PABIR3: variants seen among roughly 807,000 people sequenced by gnomAD.
PABIR3 encodes PABIR family member 3, also known as PABIR family member 1.
In PABIR3, 20 loss-of-function variants were observed where a neutral mutation model predicts 23.1. The ratio of observed to expected loss-of-function variants is 0.86; its 90% CI spans 0.61 to 1.26. The LOEUF is 1.26. PABIR3 is among the 50% of genes most tolerant of loss of function. The pLI is 0.00. For synonymous variants in PABIR3, 69 were observed against 68.5 expected (o/e 1.01, Z -0.04); for missense variants, 189 against 195.4 (o/e 0.97, Z 0.20).
chrX:134,802,510 TC>T (rs1290006120), upstream of PABIR3, among the ~76,000 whole-genome samples: 1 of 111,880 alleles, frequency 8.9e-6, no homozygotes, highest in Non-Finnish European at 1.9e-5. Flanking sequence ...CCTGGTCCCA[TC>T]CCAGGAGAGA....
intron 4 of PABIR3, among the ~76,000 whole-genome samples, chrX:134,837,715 A>G (rs2082016533): frequency 8.9e-6 from 1 of 111,900 alleles, no homozygotes; most frequent in African/African-American, 3.2e-5. Context: ...AAGAGTCAAC[A>G]CTCTTCTCCT....
At chrX:134,806,119 G>A (rs1247459537), upstream of PABIR3, among the ~76,000 whole-genome samples, 2 of 111,636 alleles carry the variant, frequency 1.8e-5, no homozygotes, top group Non-Finnish European at 3.8e-5. Flanking sequence ...TTCTTAAAAC[G>A]ATATGAGCCA....
chrX:134,800,979 A>G (rs971380231), intron 1 of PABIR3, among the ~76,000 whole-genome samples: 5 of 112,166 alleles, frequency 4.5e-5, no homozygotes, highest in African/African-American at 1.6e-4. Context: ...TGGCAAAAGT[A>G]CCACAAGTAT....
At position 134,807,257 on chromosome X, in the gene PABIR3, C is replaced by T; in HGVS notation, c.-144C>T. 3 of 896,343 alleles carry T rather than the reference C, an allele frequency of 3.3e-6. No homozygotes were observed. In the South Asian group the frequency reaches 1.8e-4, roughly 53 times the overall value. 73.9% of individuals were successfully genotyped at this position (896,343 alleles called of 1,213,427 possible). On this transcript the variant is annotated 5_prime_UTR_variant, in exon 1 of 11. Transcript: ENST00000645433. The stretch of plus-strand genomic sequence containing the variant: ...TTTTTGTTTTGGCCGGAAAGGCTTA[C>T]CATGAGTTGCCAGGGCTGAGAGAGA...
At chrX:134,831,967 T>C (rs1010477507) in intron 4 of PABIR3, among the ~76,000 whole-genome samples, 2 of 111,268 alleles carry the variant, frequency 1.8e-5, no homozygotes, top group East Asian at 5.7e-4. Context: ...GTTTTAATTT[T>C]TACCTCCCAC....
the PABIR3 span, among the ~76,000 whole-genome samples, chrX:134,861,328 A>G: frequency 9.1e-6 from 1 of 110,331 alleles, no homozygotes; most frequent in Non-Finnish European, 1.9e-5. Flanking sequence ...AATGTAATTA[A>G]GGCTACTGAA....
chrX:134,843,570 T>A (rs1310184765), intron 4 of PABIR3, among the ~76,000 whole-genome samples: 2 of 88,733 alleles, frequency 2.3e-5, no homozygotes, highest in Non-Finnish European at 4.4e-5. Flanking sequence ...TTCTTTTTTT[T>A]TTTTTTTTTT....
At chrX:134,800,694 G>A (rs1051914772) in intron 1 of PABIR3, among the ~76,000 whole-genome samples, 2 of 111,136 alleles carry the variant, frequency 1.8e-5, no homozygotes, top group Non-Finnish European at 3.8e-5. Flanking sequence ...GGAGGCTGAG[G>A]CAGGAGAATC....
chrX:134,843,918 C>CTTTTT (rs1196514400), intron 4 of PABIR3, among the ~76,000 whole-genome samples: 23 of 66,026 alleles, frequency 3.5e-4, no homozygotes, highest in African/African-American at 8.1e-4. Context: ...TATGCATGTT[C>CTTTTT]TTTTTTTTTT....
At chrX:134,837,117 G>A (rs528260264) in intron 4 of PABIR3, among the ~76,000 whole-genome samples, 2 of 110,662 alleles carry the variant, frequency 1.8e-5, no homozygotes, top group South Asian at 3.9e-4. Context: ...AGGCCGAGGC[G>A]GGTGGATCAC....
At chrX:134,852,491 A>ATAT (rs2082671155) in intron 9 of PABIR3, among the ~76,000 whole-genome samples, 1 of 109,968 alleles carries the variant, frequency 9.1e-6, no homozygotes, top group Non-Finnish European at 1.9e-5. Context: ...AATAATAATA[A>ATAT]TAATAATATC....
intron 3 of PABIR3, among the ~76,000 whole-genome samples, chrX:134,828,777 G>A (rs2081631317): frequency 8.9e-6 from 1 of 112,066 alleles, no homozygotes; most frequent in Non-Finnish European, 1.9e-5. Flanking sequence ...GATATTTGAT[G>A]TAGTTATTCT....
intron 6 of PABIR3, among the ~76,000 whole-genome samples, chrX:134,846,832 G>A (rs1321996866): frequency 8.9e-6 from 1 of 111,832 alleles, no homozygotes. Flanking sequence ...TAAGAGAATC[G>A]TAAGTGTGTT....
chrX:134,833,504 T>C (rs992920664), intron 4 of PABIR3, among the ~76,000 whole-genome samples: 2 of 112,266 alleles, frequency 1.8e-5, no homozygotes, highest in African/African-American at 3.2e-5. Context: ...GACATTTAGT[T>C]GATATATATC....
At chrX:134,821,461 C>G in intron 3 of PABIR3, 1 of 1,154,464 alleles carries the variant, frequency 8.7e-7, no homozygotes, top group South Asian at 1.9e-5. Context: ...TCCTTTCTCT[C>G]CCACCAGGAA....
intron 4 of PABIR3, among the ~76,000 whole-genome samples, chrX:134,838,563 A>C (rs2082049449): frequency 9.5e-6 from 1 of 105,519 alleles, no homozygotes; most frequent in African/African-American, 3.5e-5. Context: ...TCGGCCTCCC[A>C]AAGTGCTGGG....
chrX:134,828,037 C>A (rs867386307), intron 3 of PABIR3, among the ~76,000 whole-genome samples: 82 of 72,849 alleles, frequency 1.1e-3, no homozygotes, highest in South Asian at 4.3e-3. Context: ...CTCTCTCTCT[C>A]TCTCTCTCTC....
rs1603151970 is a variant in PABIR3, at chrX:134,809,896, T to A, written c.110+2188T>A. 3 of 751,715 alleles carry A rather than the reference T, an allele frequency of 4.0e-6. No individual in the cohort carries two copies. In the South Asian group the frequency reaches 2.0e-4, roughly 51 times the overall value. 61.9% of individuals were successfully genotyped at this position (751,715 alleles called of 1,213,427 possible). Reference sequence around the variant, plus strand: ...ATTGTTCACAAAATGAAAAGCAAACTAAGATTGACCAAAAAAAAATACATT... The same window carrying A: ...ATTGTTCACAAAATGAAAAGCAAACAAAGATTGACCAAAAAAAAATACATT... On this transcript the variant is annotated intron_variant, in intron 2 of 10. Transcript: ENST00000645433.
intron 3 of PABIR3, among the ~76,000 whole-genome samples, chrX:134,824,351 A>T (rs2081416572): frequency 8.9e-6 from 1 of 112,170 alleles, no homozygotes; most frequent in Admixed American, 9.5e-5. Context: ...AGTGCTGCTT[A>T]TTATTATGGT....
Sources: allele counts gnomAD v4.1 joint callset (sites outside exome capture counted in the v4.1 genomes callset), GRCh38; gene constraint gnomAD v4.1.1; transcripts MANE v1.5; gene names NCBI Gene and HGNC (gene_info 2026-07-23, HGNC 2026-07-21).